The following ADARB1 variants were observed in gnomAD, a reference collection of about 807,000 sequenced individuals.
ADARB1 encodes the protein double-stranded RNA-specific editase 1.
In ADARB1, 10 loss-of-function variants were observed where a neutral mutation model predicts 52.4. The observed-to-expected ratio is 0.19, with a 90% CI of 0.12 to 0.32. ADARB1 has a LOEUF of 0.32. ADARB1 is among the 10% of genes least tolerant of loss of function. ADARB1 has a pLI of 1.00. For missense variants in ADARB1, 643 were observed against 922.3 expected, an observed-to-expected ratio of 0.70 and a Z score of 3.92; for synonymous variants, 349 against 371.1, an observed-to-expected ratio of 0.94 and a Z score of 0.68.
chr21:45,110,906 G>A (rs866040880), intron 1 of ADARB1, among the ~76,000 whole-genome samples: 1 of 152,106 alleles, frequency 6.6e-6, no homozygotes, highest in East Asian at 1.9e-4. Context: ...ATCCTCTTGG[G>A]ACACTCATCC....
intron 8 of ADARB1, among the ~76,000 whole-genome samples, chr21:45,186,338 C>T (rs1013069390): frequency 6.6e-6 from 1 of 152,196 alleles, no homozygotes; most frequent in African/African-American, 2.4e-5. Flanking sequence ...ATGGGACACC[C>T]ATATTTCTTC....
At chr21:45,132,257 C>T (rs1025187624) in intron 2 of ADARB1, 4 of 152,272 alleles carry the variant, frequency 2.6e-5, no homozygotes, top group African/African-American at 9.6e-5. Flanking sequence ...TTCGCATCAG[C>T]TCAGGTGGCG....
Position 45,223,399 on chromosome 21 carries a change from G to A in ADARB1, c.*1202G>A. The stretch of plus-strand genomic sequence containing the variant: ...TGCACGGGACGGCCCCACGACAGAG[G>A]GAGTCAGCCCGGGAGGTCAGGAGCG... On this transcript the variant is annotated 3_prime_UTR_variant, in exon 11 of 11. Coordinates refer to ENST00000348831, the MANE Select transcript of ADARB1 (RefSeq NM_001112.4). 2 of 985,764 alleles carry A rather than the reference G, an allele frequency of 2.0e-6. No homozygotes were observed. Among genetic ancestry groups the A allele is most frequent in the Non-Finnish European group, 2.4e-6 (2 of 830,180 alleles). The allele number at this position is 985,764 out of a possible 1,614,324, so 61.1% of individuals were successfully genotyped here.
In ADARB1 at chr21:45,183,348, T is replaced by C; in HGVS notation, c.1248-14T>C. On this transcript the variant is annotated splice_polypyrimidine_tract_variant and intron_variant, in intron 6 of 10. Coordinates refer to ENST00000348831, the MANE Select transcript of ADARB1 (RefSeq NM_001112.4). Reference sequence around the variant, plus strand: ...CAGCTTTAAATGTTACTTTTGCAACTTTTTTCCTTTCAGTAACAAAGATGA... The same window carrying C: ...CAGCTTTAAATGTTACTTTTGCAACCTTTTTCCTTTCAGTAACAAAGATGA... 6.3e-7 allele frequency: 1 copy of C among 1,591,670 alleles called. No homozygotes were observed. The highest frequency in any genetic ancestry group is 1.2e-5 in the South Asian group (1 of 86,228).
At chr21:45,183,197 T>G (rs1179570629) in intron 6 of ADARB1, among the ~76,000 whole-genome samples, 165 bp from the exon 7 acceptor site, 1 of 152,226 alleles carries the variant, frequency 6.6e-6, no homozygotes, top group Non-Finnish European at 1.5e-5. Context: ...GACATATCCA[T>G]TATTGAGTGA....
At chr21:45,183,792 AT>A (rs2092007183) in intron 7 of ADARB1, among the ~76,000 whole-genome samples, 1 of 152,242 alleles carries the variant, frequency 6.6e-6, no homozygotes, top group Admixed American at 6.5e-5. Flanking sequence ...GGTAATAAAT[AT>A]CTCTAAATCA....
At chr21:45,102,315 G>A (rs929016355) in intron 1 of ADARB1, among the ~76,000 whole-genome samples, 3 of 152,224 alleles carry the variant, frequency 2.0e-5, no homozygotes, top group Non-Finnish European at 4.4e-5. Context: ...TACGCAGGCA[G>A]TTCAATGGGA....
chr21:45,150,710 A>G (rs912681560), intron 2 of ADARB1, among the ~76,000 whole-genome samples: 2 of 152,104 alleles, frequency 1.3e-5, no homozygotes, highest in African/African-American at 4.8e-5. Flanking sequence ...CAGTGCTTTC[A>G]TGAGATGCTG....
At chr21:45,206,485 T>C (rs573416128) in intron 9 of ADARB1, among the ~76,000 whole-genome samples, 126 of 151,916 alleles carry the variant, frequency 8.3e-4, no homozygotes, top group African/African-American at 2.9e-3. Flanking sequence ...CCTTGAAAGA[T>C]AGTGTCTGCA....
At chr21:45,181,233 G>A (rs532888030) in intron 5 of ADARB1, among the ~76,000 whole-genome samples, 1 of 152,318 alleles carries the variant, frequency 6.6e-6, no homozygotes, top group Non-Finnish European at 1.5e-5. Flanking sequence ...CCAGTTCTCG[G>A]TATGTGACTT....
At chr21:45,154,789 A>T (rs554444118) in intron 2 of ADARB1, among the ~76,000 whole-genome samples, 33 of 152,332 alleles carry the variant, frequency 2.2e-4, no homozygotes, top group Non-Finnish European at 4.4e-5. Context: ...TCAAGCAGAC[A>T]CTGCCACCCT....
chr21:45,096,353 A>C (rs1023798142), intron 1 of ADARB1, among the ~76,000 whole-genome samples: 1 of 152,192 alleles, frequency 6.6e-6, no homozygotes, highest in Non-Finnish European at 1.5e-5. Context: ...AGGGTTTTGC[A>C]TATCTCCTGT....
chr21:45,225,094 T>C lies in ADARB1; in HGVS notation c.*2897T>C, dbSNP rs908297184. 14 of 990,658 alleles carry C rather than the reference T, an allele frequency of 1.4e-5. No homozygotes were observed. The highest frequency in any genetic ancestry group is 1.7e-5 in the Non-Finnish European group (14 of 833,914). The allele number at this position is 990,658 out of a possible 1,614,324, so 61.4% of individuals were successfully genotyped here. ...TGTTGTTTTGTTTTGTTTTGTTTTG[T>C]TAACTAAACCTGAAGTATTAATTCC... On this transcript the variant is annotated 3_prime_UTR_variant, in exon 11 of 11. Coordinates refer to ENST00000348831, the MANE Select transcript of ADARB1 (RefSeq NM_001112.4).
rs1569192599 is a variant in ADARB1, at chr21:45,223,096, C to T, written c.*899C>T. On this transcript the variant is annotated 3_prime_UTR_variant, in exon 11 of 11. Transcript: ENST00000348831. ...AGAAGGAATCACGAGGGCTACTGCA[C>T]AATACATGGCCTAAGTTCCCTCTGT... 1.0e-6 allele frequency: 1 copy of T among 985,350 alleles called. No individual in the cohort carries two copies. The highest frequency in any genetic ancestry group is 1.2e-6 in the Non-Finnish European group (1 of 829,942). The allele number at this position is 985,350 out of a possible 1,614,324, so 61.0% of individuals were successfully genotyped here.
intron 1 of ADARB1, among the ~76,000 whole-genome samples, chr21:45,088,431 T>A (rs2086430560): frequency 2.0e-5 from 3 of 152,154 alleles, no homozygotes; most frequent in Admixed American, 2.0e-4. Context: ...AATGATAGTA[T>A]AGGTGTATAA....
Position 45,208,048 on chromosome 21 carries a change from T to A in ADARB1, c.1747+3312T>A, listed in dbSNP as rs1440148925. 1.3e-5 allele frequency among the ~76,000 whole-genome samples: 2 copies of A among 152,244 alleles called. No homozygotes were observed. The highest frequency in any genetic ancestry group is 4.8e-5 in the African/African-American group (2 of 41,464). On this transcript the variant is annotated intron_variant, in intron 9 of 10. Coordinates refer to ENST00000348831, the MANE Select transcript of ADARB1 (RefSeq NM_001112.4). The surrounding 1 kb of genome is among the most constrained non-coding windows in gnomAD (Gnocchi z 5.6). ...CACTTGGTACCCTTGCTTAGCACTGTGGAAGAGGAAGTCTCTCGAGCTTTC... is the reference window on the plus strand; with the variant it reads ...CACTTGGTACCCTTGCTTAGCACTGAGGAAGAGGAAGTCTCTCGAGCTTTC...
chr21:45,193,740 C>T (rs1235654851), intron 8 of ADARB1, among the ~76,000 whole-genome samples: 1 of 152,124 alleles, frequency 6.6e-6, no homozygotes, highest in East Asian at 1.9e-4. Flanking sequence ...TTTTTTACAC[C>T]TGCAACAAGC....
intron 8 of ADARB1, 30 bp downstream of exon 8, chr21:45,185,121 T>C: frequency 6.2e-7 from 1 of 1,607,720 alleles, no homozygotes; most frequent in Non-Finnish European, 8.5e-7. Flanking sequence ...TGTGGCCACC[T>C]CCCTGCACAC....
At chr21:45,209,546 C>T (rs564453231) in intron 9 of ADARB1, among the ~76,000 whole-genome samples, 1 of 152,324 alleles carries the variant, frequency 6.6e-6, no homozygotes, top group African/African-American at 2.4e-5. Flanking sequence ...CTGTGGATGT[C>T]TGGGCTCTGC....
Sources: gnomAD v4.1 joint callset for allele counts (sites outside exome capture counted in the v4.1 genomes callset) on GRCh38, gnomAD v4.1.1 for gene constraint, Gnocchi (gnomAD v3.1) non-coding constraint, MANE v1.5 for transcripts, NCBI Gene and HGNC (gene_info 2026-07-23, HGNC 2026-07-21) for gene names.